Variants in SYNE1 observed in about 807,000 individuals in gnomAD.
SYNE1 encodes spectrin repeat containing nuclear envelope protein 1.
In SYNE1, 616 loss-of-function variants were observed where a neutral mutation model predicts 1,111.0. That is an observed-to-expected ratio of 0.55 (90% CI 0.52 to 0.59). The LOEUF (loss-of-function observed/expected upper bound fraction) is 0.59. Among genes scored for constraint, SYNE1 ranks in the 20% least tolerant of loss-of-function variants. The probability of loss-of-function intolerance (pLI) is 0.00; values close to 1 mark genes in which losing one functional copy is unlikely to be tolerated. For synonymous variants in SYNE1, 3,855 were observed against 3,825.8 expected, an observed-to-expected ratio of 1.01 and a Z score of -0.28; for missense variants, 10,006 against 10,417.0, an observed-to-expected ratio of 0.96 and a Z score of 1.72.
chr6:152,573,999 A>G (rs942584370), intron 3 of SYNE1, among the ~76,000 whole-genome samples: 4 of 152,224 alleles, frequency 2.6e-5, no homozygotes, highest in East Asian at 3.9e-4. Flanking sequence ...GAGATGTTCA[A>G]CCAAGCTCTG....
At chr6:152,430,931 G>A (rs993854478) in intron 34 of SYNE1, among the ~76,000 whole-genome samples, 1 of 152,154 alleles carries the variant, frequency 6.6e-6, no homozygotes, top group Non-Finnish European at 1.5e-5. Flanking sequence ...GCTGGATAGA[G>A]CATACGGAGA....
At position 152,262,136 on chromosome 6, in the gene SYNE1, A is replaced by T. The variant is rs1248378402; in HGVS notation, c.18868T>A (p.Ser6290Thr). 4 of 1,613,778 alleles carry T rather than the reference A, an allele frequency of 2.5e-6. No individual in the cohort carries two copies. Among genetic ancestry groups the T allele is most frequent in the Non-Finnish European group, 3.4e-6 (4 of 1,179,960 alleles). Residue 6290 changes from serine to threonine, a missense_variant, in exon 101 of 146, where the codon TCC becomes ACC. Ser to Thr is a moderately conservative substitution (Grantham distance 58). This residue lies in a region of SYNE1 where 2,182 missense variants were observed against 2,287.8 expected (regional missense o/e 0.95). Transcript: ENST00000367255. ...TTCATTCTCATCTGGTCTTCAGCGG[A>T]TGATTTCTCCCCTTCCATCCCCAAC... ...QELGMEGEKS[S>T]AEDQMRMKWE...
intron 90 of SYNE1, 90 bp from the exon 91 acceptor site, chr6:152,308,722 C>CTAA: frequency 7.2e-7 from 1 of 1,394,580 alleles, no homozygotes; most frequent in Non-Finnish European, 9.7e-7. Context: ...CTCCTATTTA[C>CTAA]CTGTACAGGT....
In SYNE1 at chr6:152,625,608, G is replaced by T. The variant is rs73622178; in HGVS notation, c.67+2657C>A. On this transcript the variant is annotated intron_variant, in intron 3 of 145. Coordinates refer to ENST00000367255, the MANE Select transcript of SYNE1 (RefSeq NM_182961.4). ...TTTTCAGGCTTACTCTTCTAACTTT[G>T]TCAGGTACCCTTATGCCACCTTATA... Among the ~76,000 whole-genome samples the T allele has an allele frequency of 4.0e-3, 612 of 152,224 alleles. 5 individuals carry two copies. The highest frequency in any genetic ancestry group is 0.014 in the African/African-American group (579 of 41,536).
In SYNE1 at chr6:152,257,462, C is replaced by A. The variant is rs141400538; in HGVS notation, c.18973-697G>T. On this transcript the variant is annotated intron_variant, in intron 101 of 145. Coordinates refer to ENST00000367255, the MANE Select transcript of SYNE1 (RefSeq NM_182961.4). ...GCACGAGAATTGCTTGAACCAGAGG[C>A]AGAAATTGCAGTGAGCTGAGATCAC... is the stretch of plus-strand genomic sequence containing the variant. 3.7e-3 allele frequency among the ~76,000 whole-genome samples: 556 copies of A among 152,212 alleles called. 3 individuals carry two copies. Among genetic ancestry groups the A allele is most frequent in the South Asian group, 0.024 (114 of 4,826 alleles).
chr6:152,420,489 G>A (rs1358296325), intron 39 of SYNE1, among the ~76,000 whole-genome samples: 7 of 152,052 alleles, frequency 4.6e-5, no homozygotes, highest in Admixed American at 6.6e-5. Flanking sequence ...GTGTGCTGGT[G>A]CACACCTGTA....
intron 93 of SYNE1, among the ~76,000 whole-genome samples, chr6:152,294,725 CA>C (rs1233749175): frequency 4.6e-5 from 7 of 150,944 alleles, no homozygotes; most frequent in African/African-American, 7.3e-5. Flanking sequence ...AGTATACACA[CA>C]AAAAAAACAA....
chr6:152,613,257 T>C (rs546683711), intron 3 of SYNE1, among the ~76,000 whole-genome samples: 1 of 152,314 alleles, frequency 6.6e-6, no homozygotes, highest in South Asian at 2.1e-4. Flanking sequence ...CCCCATCATC[T>C]CAGCCCCAAA....
Position 152,387,343 on chromosome 6 carries a change from A to G in SYNE1, c.8216T>C (p.Val2739Ala). The stretch of plus-strand genomic sequence containing the variant: ...CTGCTCCAACTGGTTTTTCCTCTCT[A>G]CATAGTCATTCCATTGGCTAATCAC... ...ESVISQWNDY[V>A]ERKNQLEQWM... The change falls in exon 54 of 146, where the codon GTA (valine) becomes GCA (alanine). Residue 2739 changes from valine to alanine, a missense_variant. Coordinates refer to ENST00000367255, the MANE Select transcript of SYNE1 (RefSeq NM_182961.4). 1 of 1,614,172 alleles carries G rather than the reference A, an allele frequency of 6.2e-7. No individual in the cohort carries two copies. Among genetic ancestry groups the G allele is most frequent in the East Asian group, 2.2e-5 (1 of 44,880 alleles).
In SYNE1 at chr6:152,157,904, G is replaced by A. The variant is rs549257944; in HGVS notation, c.23791-1807C>T. On this transcript the variant is annotated intron_variant, in intron 131 of 145. Transcript: ENST00000367255. Reference sequence around the variant, plus strand: ...CTCCTGAGTAGCTGGGATTACAGGCGCCCACCACCATGCCTGGCTAATTTT... The same window carrying A: ...CTCCTGAGTAGCTGGGATTACAGGCACCCACCACCATGCCTGGCTAATTTT... Among the ~76,000 whole-genome samples, 67 of 151,830 alleles carry A rather than the reference G, an allele frequency of 4.4e-4. 1 individual carries two copies. In the South Asian group the frequency reaches 0.013, roughly 30 times the overall value.
chr6:152,284,610 ATTTTTTTTTTTT>A (rs760978831), intron 95 of SYNE1, among the ~76,000 whole-genome samples: 12 of 108,150 alleles, frequency 1.1e-4, no homozygotes, highest in Admixed American at 8.6e-4. Context: ...ACACCTGGTA[ATTTTTTTTTTTT>A]TTTTTTTTTT....
At chr6:152,274,808 C>CT (rs2093475072) in intron 98 of SYNE1, among the ~76,000 whole-genome samples, 1 of 152,142 alleles carries the variant, frequency 6.6e-6, no homozygotes, top group South Asian at 2.1e-4. Flanking sequence ...GTTGGCTAGG[C>CT]TGGTCTCGAA....
chr6:152,179,072 C>G (rs938203361), intron 129 of SYNE1, among the ~76,000 whole-genome samples: 2 of 151,982 alleles, frequency 1.3e-5, no homozygotes, highest in African/African-American at 4.8e-5. Flanking sequence ...TGCCACCATG[C>G]CTGGCTAATA....
At chr6:152,522,076 C>T (rs1450669569) in intron 5 of SYNE1, among the ~76,000 whole-genome samples, 1 of 138,134 alleles carries the variant, frequency 7.2e-6, no homozygotes, top group Non-Finnish European at 1.7e-5. Context: ...ATTTCCTGTT[C>T]CATTTTTTTT....
At position 152,278,097 on chromosome 6, in the gene SYNE1, T is replaced by G; in HGVS notation, c.18565A>C (p.Asn6189His). Reference sequence around the variant, plus strand: ...GCGGCTGGAACCCTCACCTGCATGTTGAGCTGCTTATCATGCAGGGCTCTC... The same window carrying G: ...GCGGCTGGAACCCTCACCTGCATGTGGAGCTGCTTATCATGCAGGGCTCTC... ...LQRALHDKQL[N>H]MQGTAQEKEE... Residue 6189 changes from asparagine (N) to histidine (H), a missense_variant, in exon 98 of 146, where the codon AAC becomes CAC. Asn to His is a moderately conservative substitution (Grantham distance 68). Transcript: ENST00000367255. 1 of 1,613,986 alleles carries G rather than the reference T, an allele frequency of 6.2e-7. No homozygotes were observed. Among genetic ancestry groups the G allele is most frequent in the South Asian group, 1.1e-5 (1 of 91,086 alleles).
chr6:152,231,357 T>A, intron 114 of SYNE1, 34 bp downstream of exon 114: 1 of 1,613,324 alleles, frequency 6.2e-7, no homozygotes, highest in Non-Finnish European at 8.5e-7. Flanking sequence ...GGGGTTTTCA[T>A]GTAAATCTGG....
At chr6:152,628,181 G>A in intron 3 of SYNE1, 84 bp downstream of exon 3, 1 of 1,457,296 alleles carries the variant, frequency 6.9e-7, no homozygotes, top group Non-Finnish European at 9.6e-7. Flanking sequence ...CCATGAAATT[G>A]AGTAAAACCC....
chr6:152,294,196 T>C, intron 93 of SYNE1, 69 bp from the exon 94 acceptor site: 1 of 1,531,414 alleles, frequency 6.5e-7, no homozygotes, highest in Non-Finnish European at 8.9e-7. Flanking sequence ...CTCTGGGTAC[T>C]GTTGGTCATG....
intron 144 of SYNE1, 111 bp downstream of exon 144, chr6:152,132,011 G>T: frequency 2.2e-6 from 2 of 923,194 alleles, no homozygotes; most frequent in Non-Finnish European, 1.8e-6. Flanking sequence ...CTGTGTGACA[G>T]CCCTCCTCTG....
Sources: gnomAD v4.1 joint callset for allele counts (sites outside exome capture counted in the v4.1 genomes callset) on GRCh38, gnomAD v4.1.1 for gene constraint, gnomAD v4.1.1 regional missense constraint, MANE v1.5 for transcripts, NCBI Gene and HGNC (gene_info 2026-07-23, HGNC 2026-07-21) for gene names.